SPOP: variants seen among roughly 807,000 people sequenced by gnomAD.
The protein encoded by SPOP is speckle-type POZ protein.
In SPOP, 11 loss-of-function variants were observed where a neutral mutation model predicts 45.6. The observed-to-expected ratio is 0.24, with a 90% CI of 0.15 to 0.40. SPOP has a LOEUF of 0.40. SPOP is among the 10% of genes least tolerant of loss of function. SPOP has a pLI of 1.00. For missense variants in SPOP, 152 were observed against 465.6 expected (o/e 0.33, Z 6.20); for synonymous variants, 166 against 166.3 (o/e 1.00, Z 0.01).
chr17:49,634,882 C>CACCT (rs2072514919), intron 1 of SPOP, among the ~76,000 whole-genome samples: 1 of 152,148 alleles, frequency 6.6e-6, no homozygotes, highest in Non-Finnish European at 1.5e-5. Flanking sequence ...TGAAAAGGCC[C>CACCT]ACCTGCTCCA....
chr17:49,624,319 A>ACGCG (rs551185712), intron 1 of SPOP, among the ~76,000 whole-genome samples: 119 of 118,774 alleles, frequency 1.0e-3, no homozygotes, highest in Middle Eastern at 9.7e-3. Context: ...ACACACACAC[A>ACGCG]CGCGCGCGCG....
intron 1 of SPOP, among the ~76,000 whole-genome samples, chr17:49,644,850 T>C (rs371455600): frequency 9.9e-5 from 15 of 152,276 alleles, no homozygotes; most frequent in African/African-American, 3.4e-4. Context: ...CACATCTATA[T>C]TGCACTGGAA....
chr17:49,612,843 A>T (rs981024361), intron 5 of SPOP: 2 of 152,214 alleles, frequency 1.3e-5, no homozygotes, highest in African/African-American at 4.8e-5. Flanking sequence ...GCTTAGGAAC[A>T]TCCTTAATGA....
chr17:49,644,741 C>T (rs994678413), intron 1 of SPOP, among the ~76,000 whole-genome samples: 1 of 152,004 alleles, frequency 6.6e-6, no homozygotes, highest in Non-Finnish European at 1.5e-5. Flanking sequence ...AATATATATA[C>T]ATATGCACAT....
intron 1 of SPOP, among the ~76,000 whole-genome samples, chr17:49,630,870 C>T (rs957011217): frequency 5.9e-5 from 9 of 152,112 alleles, no homozygotes; most frequent in Non-Finnish European, 1.2e-4. Flanking sequence ...GAACAACCAA[C>T]GGTGTACAGA....
chr17:49,618,754 AGCATAC>A (rs1244317660), intron 5 of SPOP, among the ~76,000 whole-genome samples: 2 of 152,248 alleles, frequency 1.3e-5, no homozygotes, highest in African/African-American at 4.8e-5. Context: ...ATACCAAGGT[AGCATAC>A]ATACAACCTT....
At chr17:49,647,200 C>T (rs1211902215) in intron 1 of SPOP, among the ~76,000 whole-genome samples, 1 of 148,638 alleles carries the variant, frequency 6.7e-6, no homozygotes, top group East Asian at 2.1e-4. Flanking sequence ...GAAGGCTGAG[C>T]GGGAGGCTGA....
intron 1 of SPOP, among the ~76,000 whole-genome samples, chr17:49,629,549 A>C (rs2072409379): frequency 6.6e-6 from 1 of 152,256 alleles, no homozygotes; most frequent in East Asian, 1.9e-4. Context: ...TTGAAAACAA[A>C]AATCAGTAAC....
At chr17:49,633,767 G>C (rs2072493846) in intron 1 of SPOP, among the ~76,000 whole-genome samples, 1 of 152,060 alleles carries the variant, frequency 6.6e-6, no homozygotes, top group South Asian at 2.1e-4. Flanking sequence ...CAACTCCCTG[G>C]ACCTTAAAAA....
intron 1 of SPOP, among the ~76,000 whole-genome samples, chr17:49,634,787 A>G (rs2072513555): frequency 6.6e-6 from 1 of 152,220 alleles, no homozygotes; most frequent in Non-Finnish European, 1.5e-5. Flanking sequence ...CGGCTATGGA[A>G]GGGACCCAAG....
intron 5 of SPOP, among the ~76,000 whole-genome samples, chr17:49,613,867 T>C (rs1295217159): frequency 2.0e-5 from 3 of 152,290 alleles, no homozygotes; most frequent in East Asian, 3.9e-4. Context: ...TGAGAAAAAC[T>C]AAAGATTTTT....
chr17:49,620,467 C>CAA (rs755698106), intron 3 of SPOP, among the ~76,000 whole-genome samples: 7 of 66,798 alleles, frequency 1.0e-4, no homozygotes, highest in Admixed American at 1.6e-4. Flanking sequence ...GACTCTGTCT[C>CAA]AAAAAAAAAA....
chr17:49,623,010 AT>A (rs879417823), intron 1 of SPOP, 134 bp from the exon 2 acceptor site: 30,464 of 382,582 alleles, frequency 0.08, no homozygotes, highest in South Asian at 0.12. Context: ...AGGTCCTAAA[AT>A]TTTTTTTTTT....
rs571100733 is a variant in SPOP, at chr17:49,638,957, G to T, written c.-66-16081C>A. 2.6e-5 allele frequency among the ~76,000 whole-genome samples: 4 copies of T among 152,330 alleles called. No individual in the cohort carries two copies. In the South Asian group the frequency reaches 8.3e-4, roughly 32 times the overall value. On this transcript the variant is annotated intron_variant, in intron 1 of 9. Transcript: ENST00000504102. ...GAACCTGGGAGGTGGCAGTTGTAGT[G>T]AGCAGAGACTGAGCCAACAATCCCA...
At chr17:49,659,923 G>C (rs2143526704) in intron 1 of SPOP, among the ~76,000 whole-genome samples, 1 of 152,172 alleles carries the variant, frequency 6.6e-6, no homozygotes, top group South Asian at 2.1e-4. Context: ...AGTCATTCTT[G>C]ACACTTTCCT....
chr17:49,600,239 G>C lies in SPOP; in HGVS notation c.*139C>G. On this transcript the variant is annotated 3_prime_UTR_variant, in exon 10 of 10. Transcript: ENST00000504102. This position sits in a 1 kb window ranked among gnomAD's most constrained non-coding sequence, Gnocchi z 4.2. ...CAAGTTATTTAGTGCTGTTTTAAAAGTCTGGGGCCACAATGCAGTCTCTTC... is the reference window on the plus strand; with the variant it reads ...CAAGTTATTTAGTGCTGTTTTAAAACTCTGGGGCCACAATGCAGTCTCTTC... 1 of 1,150,278 alleles carries C rather than the reference G, an allele frequency of 8.7e-7. No homozygotes were observed. Among genetic ancestry groups the C allele is most frequent in the Non-Finnish European group, 1.2e-6 (1 of 803,432 alleles). The allele number at this position is 1,150,278 out of a possible 1,614,324, so 71.3% of individuals were successfully genotyped here.
At chr17:49,664,301 T>C (rs1333029612) in intron 1 of SPOP, among the ~76,000 whole-genome samples, 1 of 152,190 alleles carries the variant, frequency 6.6e-6, no homozygotes, top group East Asian at 1.9e-4. Flanking sequence ...TCAAAACAAA[T>C]TGTCACATCA....
At chr17:49,604,272 T>C (rs1182981394) in intron 8 of SPOP, among the ~76,000 whole-genome samples, 1 of 152,218 alleles carries the variant, frequency 6.6e-6, no homozygotes, top group African/African-American at 2.4e-5. Context: ...CTGGTCAGAA[T>C]TGAGGTAGAC....
At chr17:49,631,130 A>G (rs1597942755) in intron 1 of SPOP, among the ~76,000 whole-genome samples, 1 of 152,230 alleles carries the variant, frequency 6.6e-6, no homozygotes, top group African/African-American at 2.4e-5. Flanking sequence ...CACTTCTAGA[A>G]ATGTATCCCT....
Sources: gnomAD v4.1 joint callset for allele counts (sites outside exome capture counted in the v4.1 genomes callset) on GRCh38, gnomAD v4.1.1 for gene constraint, Gnocchi (gnomAD v3.1) non-coding constraint, MANE v1.5 for transcripts, NCBI Gene and HGNC (gene_info 2026-07-23, HGNC 2026-07-21) for gene names.